Variants in DPH7 observed in about 807,000 individuals in gnomAD.
The protein encoded by DPH7 is diphthine methyltransferase.
DPH7 carries 44 observed loss-of-function variants against 41.7 expected under a neutral mutation model. The ratio of observed to expected loss-of-function variants is 1.05; its 90% CI spans 0.83 to 1.36. DPH7 has a LOEUF of 1.36. Among genes scored for constraint, DPH7 ranks in the 40% most tolerant of loss-of-function variants. DPH7 has a pLI of 0.00. For synonymous variants in DPH7, 275 were observed against 238.0 expected, an observed-to-expected ratio of 1.16 and a Z score of -1.43; for missense variants, 629 against 577.5, an observed-to-expected ratio of 1.09 and a Z score of -0.91.
Position 137,576,263 on chromosome 9 carries a change from G to A in DPH7, c.288-96C>T, listed in dbSNP as rs958413148. On this transcript the variant is annotated intron_variant, in intron 2 of 8. Transcript: ENST00000277540. ...CCACAGTCACGCTTCCCTTAACAACGGGGCTGCAGTCCACGCAAACCCAGC... is the reference window on the plus strand; with the variant it reads ...CCACAGTCACGCTTCCCTTAACAACAGGGCTGCAGTCCACGCAAACCCAGC... 12 of 1,097,600 alleles carry A rather than the reference G, an allele frequency of 1.1e-5. No homozygotes were observed. In the South Asian group the frequency reaches 1.3e-4, roughly 12 times the overall value. The allele number at this position is 1,097,600 out of a possible 1,614,324, so 68.0% of individuals were successfully genotyped here.
At chr9:137,559,013 A>G (rs556695204) in intron 8 of DPH7, among the ~76,000 whole-genome samples, 4 of 152,358 alleles carry the variant, frequency 2.6e-5, no homozygotes, top group African/African-American at 4.8e-5. Context: ...CACCGAGGCA[A>G]GAGACCGAGG....
intron 8 of DPH7, among the ~76,000 whole-genome samples, chr9:137,562,572 A>G (rs961787718): frequency 1.3e-5 from 2 of 152,240 alleles, no homozygotes; most frequent in African/African-American, 4.8e-5. Flanking sequence ...CTCAGAGGAA[A>G]ATGTATCACC....
At chr9:137,578,008 G>A (rs1420255212) in intron 1 of DPH7, 3 of 985,214 alleles carry the variant, frequency 3.0e-6, no homozygotes, top group East Asian at 1.1e-4. Flanking sequence ...GTATATAGAA[G>A]ACGTTCTGCT....
intron 3 of DPH7, 25 bp from the exon 4 acceptor site, chr9:137,574,868 C>T (rs1322778001): frequency 6.2e-7 from 1 of 1,612,490 alleles, no homozygotes; most frequent in East Asian, 2.2e-5. Flanking sequence ...GAAACTCCAT[C>T]AAAGGGAAGT....
chr9:137,563,551 A>AAAG (rs1838998268), intron 8 of DPH7, among the ~76,000 whole-genome samples: 2 of 150,172 alleles, frequency 1.3e-5, no homozygotes, highest in Admixed American at 6.6e-5. Context: ...AAAAAAAAAG[A>AAAG]GGAATACCAT....
Position 137,556,581 on chromosome 9 carries a change from C to G in DPH7, c.950-933G>C, listed in dbSNP as rs1023830349. The stretch of plus-strand genomic sequence containing the variant: ...GGGCCGGGGAGGCCCAACCCTGGGC[C>G]CAGGGCTTCAACTGGGCAGAGGTGG... On this transcript the variant is annotated intron_variant, in intron 8 of 8. Coordinates refer to ENST00000277540, the MANE Select transcript of DPH7 (RefSeq NM_138778.5). The surrounding 1 kb of genome is among the most constrained non-coding windows in gnomAD (Gnocchi z 5.2). The G allele has an allele frequency of 3.0e-6, 1 of 330,264 alleles. No individual in the cohort carries two copies. The highest frequency in any genetic ancestry group is 6.0e-6 in the Non-Finnish European group (1 of 166,948). 20.5% of individuals were successfully genotyped at this position (330,264 alleles called of 1,614,324 possible).
At chr9:137,572,297 G>A (rs937774358) in intron 5 of DPH7, among the ~76,000 whole-genome samples, 1 of 152,230 alleles carries the variant, frequency 6.6e-6, no homozygotes, top group African/African-American at 2.4e-5. Flanking sequence ...AGGTGACTGA[G>A]AGCATAGGAG....
At position 137,555,721 on chromosome 9, in the gene DPH7, CAGGG is replaced by C. The variant is rs1055163388; in HGVS notation, c.950-77_950-74del. On this transcript the variant is annotated intron_variant, in intron 8 of 8. Coordinates refer to ENST00000277540, the MANE Select transcript of DPH7 (RefSeq NM_138778.5). ...CCTCTCCCCAACCTGTCACACCTGA[CAGGG>C]AGACTCCAAGAACAGCCCCTCACAG... The C allele has an allele frequency of 2.0e-6, 3 of 1,481,660 alleles. No homozygotes were observed. In the African/African-American group the frequency reaches 4.2e-5, roughly 21 times the overall value. The allele number at this position is 1,481,660 out of a possible 1,614,324, so 91.8% of individuals were successfully genotyped here. A position where few individuals can be genotyped will look rare whatever the true frequency, so the allele number is the denominator to read the frequency against.
intron 8 of DPH7, among the ~76,000 whole-genome samples, chr9:137,564,133 G>C (rs747479167): frequency 6.6e-6 from 1 of 152,174 alleles, no homozygotes; most frequent in Admixed American, 6.5e-5. Context: ...GGGAGTGATG[G>C]GTGGCCAAGC....
intron 3 of DPH7, 95 bp downstream of exon 3, chr9:137,575,985 T>C (rs766590734): frequency 1.1e-4 from 171 of 1,585,046 alleles, no homozygotes; most frequent in Non-Finnish European, 1.4e-4. Flanking sequence ...TGAAGAGAGA[T>C]CGTTTTAGAA....
intron 4 of DPH7, 155 bp downstream of exon 4, chr9:137,574,597 G>C (rs1258113630): frequency 1.1e-6 from 1 of 869,780 alleles, no homozygotes; most frequent in Non-Finnish European, 1.8e-6. Flanking sequence ...ATCTAAAATG[G>C]GGGACCTTTT....
chr9:137,564,934 G>C lies in DPH7; in HGVS notation c.735C>G (p.Ile245Met). The C allele has an allele frequency of 6.3e-7, 1 of 1,596,960 alleles. No individual in the cohort carries two copies. The highest frequency in any genetic ancestry group is 2.3e-5 in the East Asian group (1 of 43,930). ...TGTGCTCCCGATGAGGGCTGCTCTG[G>C]ATGCTGCACACACCCATGGTGTGTC... ...SKRHTMGVCSIQSSPHREHIL... is the reference protein window; with the variant it reads ...SKRHTMGVCSMQSSPHREHIL... The change falls in exon 7 of 9, where the codon ATC becomes ATG. Residue 245 changes from isoleucine to methionine, a missense_variant. Ile to Met is a conservative substitution (Grantham distance 10). Transcript: ENST00000277540.
rs779369750 is a variant in DPH7 at position 137,564,980 on chromosome 9, G to A, written c.711-22C>T. On this transcript the variant is annotated intron_variant, in intron 6 of 8. Coordinates refer to ENST00000277540, the MANE Select transcript of DPH7 (RefSeq NM_138778.5). Reference sequence around the variant, plus strand: ...GTGTCTGCAAGCAGAGGCGGCTTCTGAACCAGTGTCCAGCACACAGACCCA... The same window carrying A: ...GTGTCTGCAAGCAGAGGCGGCTTCTAAACCAGTGTCCAGCACACAGACCCA... 3.1e-6 allele frequency: 5 copies of A among 1,598,182 alleles called. No individual in the cohort carries two copies. The African/African-American group carries it at 4.0e-5, about 13-fold the overall frequency.
chr9:137,564,742 C>T (rs1452373914), intron 7 of DPH7, 136 bp from the exon 8 acceptor site: 6 of 1,435,124 alleles, frequency 4.2e-6, no homozygotes, highest in Non-Finnish European at 5.8e-6. Context: ...CTTTACCAAA[C>T]CCATATACCT....
Position 137,555,564 on chromosome 9 carries a change from A to G in DPH7, c.1034T>C (p.Phe345Ser). ...VYGADWSWLL[F>S]RSLQRAPSWS... is the part of the protein sequence containing the mutation. ...CGAGGGGGCCCGCTGCAGAGAACGG[A>G]AGAGCAGCCAGGACCAGTCGGCTCC... The change falls in exon 9 of 9, where the codon TTC becomes TCC. Residue 345 changes from phenylalanine to serine, a missense_variant. Phe to Ser is a radical substitution (Grantham distance 155, BLOSUM62 -2). Coordinates refer to ENST00000277540, the MANE Select transcript of DPH7 (RefSeq NM_138778.5). 6.2e-7 allele frequency: 1 copy of G among 1,613,866 alleles called. No individual in the cohort carries two copies. The highest frequency in any genetic ancestry group is 8.5e-7 in the Non-Finnish European group (1 of 1,179,960).
intron 5 of DPH7, among the ~76,000 whole-genome samples, chr9:137,573,078 T>C (rs188757303): frequency 2.5e-4 from 38 of 152,234 alleles, no homozygotes; most frequent in Non-Finnish European, 4.4e-5. Context: ...AAAGAATAAG[T>C]GGGCGGGGCA....
intron 5 of DPH7, among the ~76,000 whole-genome samples, chr9:137,569,267 G>GTCT: frequency 1.9e-5 from 1 of 51,554 alleles, no homozygotes; most frequent in South Asian, 6.5e-4. Flanking sequence ...TCCACCCCCC[G>GTCT]ACCTCACCCT....
Position 137,574,857 on chromosome 9 carries a change from A to G in DPH7, c.376-14T>C. ...CACGTGGCTCTTCTACTGGAGAAGA[A>G]GAAACTCCATCAAAGGGAAGTAGCC... On this transcript the variant is annotated splice_polypyrimidine_tract_variant and intron_variant, in intron 3 of 8. Transcript: ENST00000277540. 3 of 1,613,238 alleles carry G rather than the reference A, an allele frequency of 1.9e-6. No homozygotes were observed. Among genetic ancestry groups the G allele is most frequent in the Non-Finnish European group, 2.5e-6 (3 of 1,179,810 alleles).
At chr9:137,569,176 C>T (rs893354354) in intron 5 of DPH7, among the ~76,000 whole-genome samples, 2 of 151,926 alleles carry the variant, frequency 1.3e-5, no homozygotes, top group Non-Finnish European at 1.5e-5. Flanking sequence ...AGAAGGAAAA[C>T]GTCTAGGCCT....
Sources: gnomAD v4.1 joint callset for allele counts (sites outside exome capture counted in the v4.1 genomes callset) on GRCh38, gnomAD v4.1.1 for gene constraint, Gnocchi (gnomAD v3.1) non-coding constraint, MANE v1.5 for transcripts, NCBI Gene and HGNC (gene_info 2026-07-23, HGNC 2026-07-21) for gene names.